Variants in ERC2 observed in about 807,000 individuals in gnomAD.
ERC2 encodes ERC protein 2.
A neutral mutation model predicts 114.8 loss-of-function variants in ERC2; 42 were observed. The observed-to-expected ratio is 0.37, with a 90% confidence interval of 0.29 to 0.47. The LOEUF (loss-of-function observed/expected upper bound fraction) is 0.47. Among genes scored for constraint, ERC2 ranks in the 20% least tolerant of loss-of-function variants. The pLI is 0.99. For missense variants in ERC2, 939 were observed against 1,150.7 expected, an observed-to-expected ratio of 0.82 and a Z score of 2.66; for synonymous variants, 454 against 425.5, an observed-to-expected ratio of 1.07 and a Z score of -0.82.
rs750337678 is a variant in ERC2 at position 55,510,995 on chromosome 3, A to G, written c.*321T>C. 1 of 152,414 alleles carries G rather than the reference A, an allele frequency of 6.6e-6. No individual in the cohort carries two copies. Among genetic ancestry groups the G allele is most frequent in the Non-Finnish European group, 1.5e-5 (1 of 68,028 alleles). 9.4% of individuals were successfully genotyped at this position (152,414 alleles called of 1,614,324 possible). ...AATGACATTCAGCAAAGATGATCAC[A>G]TTCAAAATGCCCGCATCCCAACAAA... On this transcript the variant is annotated 3_prime_UTR_variant, in exon 18 of 18. Coordinates refer to ENST00000288221, the MANE Select transcript of ERC2 (RefSeq NM_015576.3).
At chr3:56,008,046 T>C (rs2072636495) in intron 9 of ERC2, among the ~76,000 whole-genome samples, 1 of 152,142 alleles carries the variant, frequency 6.6e-6, no homozygotes, top group Non-Finnish European at 1.5e-5. Flanking sequence ...TCACTGAACA[T>C]AACTTTGCAA....
At position 56,221,689 on chromosome 3, in the gene ERC2, G is replaced by T. The variant is rs906334741; in HGVS notation, c.1075-48169C>A. ...GGAGGCCGAGGCGGGTGGATCACGAGGTCAGGAGATCGAGACCATCCTGGC... is the reference window on the plus strand; with the variant it reads ...GGAGGCCGAGGCGGGTGGATCACGATGTCAGGAGATCGAGACCATCCTGGC... On this transcript the variant is annotated intron_variant, in intron 3 of 17. Transcript: ENST00000288221. Among the ~76,000 whole-genome samples the T allele has an allele frequency of 3.3e-5, 5 of 152,174 alleles. No individual in the cohort carries two copies. In the East Asian group the frequency reaches 9.6e-4, roughly 29 times the overall value.
At chr3:55,837,927 T>C (rs1390130923) in intron 14 of ERC2, among the ~76,000 whole-genome samples, 1 of 151,702 alleles carries the variant, frequency 6.6e-6, no homozygotes, top group Non-Finnish European at 1.5e-5. Context: ...GCTACATTAA[T>C]ATCAGACAAA....
intron 17 of ERC2, among the ~76,000 whole-genome samples, chr3:55,587,060 C>A (rs1348246476): frequency 1.3e-5 from 2 of 152,188 alleles, no homozygotes; most frequent in Non-Finnish European, 2.9e-5. Flanking sequence ...AAATGTAGTA[C>A]AAATTTGCAA....
chr3:56,202,411 T>C (rs1039445397), intron 3 of ERC2, among the ~76,000 whole-genome samples: 2 of 152,062 alleles, frequency 1.3e-5, no homozygotes, highest in African/African-American at 4.8e-5. Flanking sequence ...CTAACTCATA[T>C]GCAAGAACTC....
At chr3:55,812,317 C>A (rs2059749300) in intron 14 of ERC2, among the ~76,000 whole-genome samples, 1 of 152,234 alleles carries the variant, frequency 6.6e-6, no homozygotes, top group Non-Finnish European at 1.5e-5. Context: ...GAAGAAGGGA[C>A]CCCCACAGCA....
intron 17 of ERC2, among the ~76,000 whole-genome samples, chr3:55,584,198 G>A (rs1020110699): frequency 1.3e-5 from 2 of 152,182 alleles, no homozygotes; most frequent in Non-Finnish European, 2.9e-5. Context: ...AGGCCCTGGA[G>A]CCAGATGCCC....
chr3:55,615,894 G>A (rs2059105902), intron 17 of ERC2, among the ~76,000 whole-genome samples: 2 of 152,196 alleles, frequency 1.3e-5, no homozygotes, highest in Non-Finnish European at 2.9e-5. Context: ...TTTCGGGTAA[G>A]AGGCAGCTTA....
At chr3:56,465,105 C>T (rs1400135752) in intron 1 of ERC2, among the ~76,000 whole-genome samples, 1 of 152,118 alleles carries the variant, frequency 6.6e-6, no homozygotes, top group African/African-American at 2.4e-5. Flanking sequence ...TCCAACATAA[C>T]AAAACAAGAG....
intron 2 of ERC2, among the ~76,000 whole-genome samples, chr3:56,422,454 G>A (rs2061422003): frequency 6.6e-6 from 1 of 152,136 alleles, no homozygotes; most frequent in Non-Finnish European, 1.5e-5. Context: ...CAAGACAGGA[G>A]TGTTCCTTTG....
At chr3:56,015,088 A>C (rs1322489271) in intron 8 of ERC2, among the ~76,000 whole-genome samples, 3 of 152,162 alleles carry the variant, frequency 2.0e-5, no homozygotes, top group Non-Finnish European at 4.4e-5. Context: ...TTTCTCCTCC[A>C]TGGTTTTTTT....
chr3:55,857,362 G>A (rs1292339660), intron 14 of ERC2, among the ~76,000 whole-genome samples: 3 of 152,120 alleles, frequency 2.0e-5, no homozygotes, highest in Non-Finnish European at 4.4e-5. Flanking sequence ...TGCCATTTCT[G>A]TCTTTGTCTC....
intron 3 of ERC2, among the ~76,000 whole-genome samples, chr3:56,225,844 T>A (rs977313): frequency 0.087 from 13,242 of 152,168 alleles, 811 homozygotes; most frequent in Admixed American, 0.16. Flanking sequence ...CTATTGATGC[T>A]TCCAGCCCAC....
At chr3:56,173,579 C>A (rs969000233) in intron 3 of ERC2, 59 bp from the exon 4 acceptor site, 40 of 1,527,510 alleles carry the variant, frequency 2.6e-5, no homozygotes, top group Non-Finnish European at 3.4e-5. Flanking sequence ...ACACCACAAC[C>A]TTTACACAGG....
chr3:55,616,858 C>T (rs761484268), intron 17 of ERC2, among the ~76,000 whole-genome samples: 2 of 152,032 alleles, frequency 1.3e-5, no homozygotes, highest in Non-Finnish European at 2.9e-5. Flanking sequence ...GCAATTCTCA[C>T]TTGTTCCATT....
At chr3:56,049,924 C>A (rs1026780876) in intron 7 of ERC2, among the ~76,000 whole-genome samples, 3 of 150,488 alleles carry the variant, frequency 2.0e-5, no homozygotes, top group Non-Finnish European at 4.4e-5. Flanking sequence ...TACAGATGAA[C>A]CTCAAGTACA....
chr3:56,226,629 A>C (rs1297914866), intron 3 of ERC2, among the ~76,000 whole-genome samples: 1 of 152,258 alleles, frequency 6.6e-6, no homozygotes, highest in Non-Finnish European at 1.5e-5. Context: ...TAGAGGTATG[A>C]TGAGATAGTA....
chr3:55,971,145 G>T (rs747806831), intron 12 of ERC2, among the ~76,000 whole-genome samples: 1 of 152,074 alleles, frequency 6.6e-6, no homozygotes, highest in Non-Finnish European at 1.5e-5. Context: ...CAAATACTTA[G>T]ATTAGTCGTT....
chr3:56,120,003 T>C (rs2079482998), intron 6 of ERC2, among the ~76,000 whole-genome samples: 1 of 152,220 alleles, frequency 6.6e-6, no homozygotes, highest in Non-Finnish European at 1.5e-5. Flanking sequence ...AGTAATTGCC[T>C]TCAAAATGAG....
Sources: allele counts gnomAD v4.1 joint callset (sites outside exome capture counted in the v4.1 genomes callset), GRCh38; gene constraint gnomAD v4.1.1; transcripts MANE v1.5; gene names NCBI Gene and HGNC (gene_info 2026-07-23, HGNC 2026-07-21).